The following SEMA3D variants were observed in gnomAD, a reference collection of about 807,000 sequenced individuals.
The protein encoded by SEMA3D is semaphorin-3D.
A neutral mutation model predicts 100.1 loss-of-function variants in SEMA3D; 84 were observed. That is an observed-to-expected ratio of 0.84 (90% CI 0.70 to 1.01). SEMA3D has a LOEUF of 1.01. Ranked by LOEUF, SEMA3D falls within the 50% of genes least tolerant of loss-of-function variation. SEMA3D has a pLI of 0.00. For missense variants in SEMA3D, 875 were observed against 934.1 expected (o/e 0.94, Z 0.82); for synonymous variants, 312 against 320.7 (o/e 0.97, Z 0.29).
chr7:85,049,652 G>A (rs1791106203), intron 9 of SEMA3D, among the ~76,000 whole-genome samples: 1 of 151,844 alleles, frequency 6.6e-6, no homozygotes, highest in Admixed American at 6.6e-5. Flanking sequence ...CATGCTGAAA[G>A]TAAGCACAAA....
At chr7:85,212,555 C>T in the SEMA3D span, among the ~76,000 whole-genome samples, 1 of 151,006 alleles carries the variant, frequency 6.6e-6, no homozygotes, top group Non-Finnish European at 1.5e-5. Flanking sequence ...AAAAACAAGT[C>T]TGTAAATGCA....
chr7:85,086,362 T>C (rs1036420541), intron 4 of SEMA3D, among the ~76,000 whole-genome samples: 1 of 152,050 alleles, frequency 6.6e-6, no homozygotes, highest in Non-Finnish European at 1.5e-5. Flanking sequence ...TTTTTATTCC[T>C]AATTGATAAA....
chr7:85,002,839 A>C (rs1381961993), intron 18 of SEMA3D, among the ~76,000 whole-genome samples: 3 of 152,154 alleles, frequency 2.0e-5, no homozygotes, highest in African/African-American at 7.2e-5. Flanking sequence ...TGGAAGGGAC[A>C]AAGGACATTT....
chr7:85,187,884 G>C (rs1336912211), upstream of SEMA3D, among the ~76,000 whole-genome samples: 1 of 152,200 alleles, frequency 6.6e-6, no homozygotes, highest in Non-Finnish European at 1.5e-5. Flanking sequence ...TGTACGTTAG[G>C]CATTTTTAGC....
chr7:85,179,877 G>T (rs556853306), intron 1 of SEMA3D, among the ~76,000 whole-genome samples: 1 of 152,214 alleles, frequency 6.6e-6, no homozygotes, highest in East Asian at 1.9e-4. Context: ...TAGCCAAGAT[G>T]GTCTTGATCT....
In SEMA3D at chr7:85,176,801, G is replaced by T. The variant is rs547395557; in HGVS notation, c.-173+9877C>A. Among the ~76,000 whole-genome samples, 929 of 148,456 alleles carry T rather than the reference G, an allele frequency of 6.3e-3. 21 individuals are homozygous for T. The highest frequency in any genetic ancestry group is 0.032 in the Admixed American group (417 of 12,854). ...GTATACATATATATATATAGAGAGA[G>T]AGAGAGAGAGAGAGAATTGACATTT... On this transcript the variant is annotated intron_variant, in intron 1 of 18. Coordinates refer to ENST00000284136, the MANE Select transcript of SEMA3D (RefSeq NM_001384900.1).
At chr7:85,095,805 A>G (rs58512711) in intron 4 of SEMA3D, among the ~76,000 whole-genome samples, 6,112 of 152,140 alleles carry the variant, frequency 0.04, 383 homozygotes, top group African/African-American at 0.14. Context: ...TATTCAAACA[A>G]CTTTATTTTA....
At chr7:85,138,383 G>A (rs1274594072) in intron 2 of SEMA3D, among the ~76,000 whole-genome samples, 7 of 151,742 alleles carry the variant, frequency 4.6e-5, no homozygotes, top group East Asian at 1.9e-4. Flanking sequence ...CTGCCTCCCC[G>A]GTTCAAGGGA....
chr7:85,160,204 T>G (rs1337493490), intron 1 of SEMA3D, among the ~76,000 whole-genome samples: 2 of 145,878 alleles, frequency 1.4e-5, no homozygotes, highest in Non-Finnish European at 3.1e-5. Flanking sequence ...AAATACGTGT[T>G]TTTTTTACCA....
chr7:85,144,115 T>G (rs1276470754), intron 2 of SEMA3D, among the ~76,000 whole-genome samples: 1 of 152,154 alleles, frequency 6.6e-6, no homozygotes, highest in Non-Finnish European at 1.5e-5. Flanking sequence ...CATTTTAACA[T>G]GTATACAATA....
chr7:85,073,653 T>A (rs17148273), intron 5 of SEMA3D, among the ~76,000 whole-genome samples: 3,013 of 152,322 alleles, frequency 0.02, 109 homozygotes, highest in African/African-American at 0.069. Flanking sequence ...TGCAATGTCA[T>A]CTGTCTCAGC....
intron 4 of SEMA3D, among the ~76,000 whole-genome samples, chr7:85,097,174 T>C (rs936367775): frequency 1.3e-5 from 2 of 151,844 alleles, no homozygotes; most frequent in Non-Finnish European, 2.9e-5. Context: ...ACACTGGTGG[T>C]TGAAAATGTA....
chr7:85,203,792 T>C, the SEMA3D span, among the ~76,000 whole-genome samples: 2 of 151,836 alleles, frequency 1.3e-5, no homozygotes, highest in African/African-American at 4.8e-5. Context: ...CAGATTGAGC[T>C]AGAGAAATAC....
In SEMA3D at chr7:84,996,627, T is replaced by G. The variant is rs551981847; in HGVS notation, c.*2813A>C. 2 of 152,552 alleles carry G rather than the reference T, an allele frequency of 1.3e-5. No individual in the cohort carries two copies. The highest frequency in any genetic ancestry group is 2.9e-5 in the Non-Finnish European group (2 of 67,902). 9.4% of individuals were successfully genotyped at this position (152,552 alleles called of 1,614,324 possible). A position where few individuals can be genotyped will look rare whatever the true frequency, so the allele number is the denominator to read the frequency against. ...TTACAATAAGTTGAATGTAAATGAATGCAGACATGCGGGATTCTATTTAGC... is the reference window on the plus strand; with the variant it reads ...TTACAATAAGTTGAATGTAAATGAAGGCAGACATGCGGGATTCTATTTAGC... On this transcript the variant is annotated 3_prime_UTR_variant, in exon 19 of 19. Coordinates refer to ENST00000284136, the MANE Select transcript of SEMA3D (RefSeq NM_001384900.1).
the SEMA3D span, among the ~76,000 whole-genome samples, chr7:85,238,251 T>C: frequency 6.6e-6 from 1 of 152,320 alleles, no homozygotes. Context: ...GCATTGTACC[T>C]TTAGTGTCAT....
the SEMA3D span, among the ~76,000 whole-genome samples, chr7:85,234,623 G>A: frequency 1.3e-5 from 2 of 152,118 alleles, no homozygotes; most frequent in African/African-American, 4.8e-5. Context: ...TTTATGAAAG[G>A]ATTATAAAGT....
the SEMA3D span, among the ~76,000 whole-genome samples, chr7:85,241,087 A>G: frequency 1.1e-4 from 16 of 152,278 alleles, no homozygotes; most frequent in South Asian, 2.1e-4. Flanking sequence ...ACTAATTATC[A>G]GGGAAATGCA....
chr7:85,115,840 G>A, intron 3 of SEMA3D, among the ~76,000 whole-genome samples: 1 of 152,042 alleles, frequency 6.6e-6, no homozygotes, highest in East Asian at 1.9e-4. Flanking sequence ...AGTTTGGCCT[G>A]TTCTAGAACT....
At chr7:85,164,225 C>CT (rs1562841397) in intron 1 of SEMA3D, among the ~76,000 whole-genome samples, 3 of 152,084 alleles carry the variant, frequency 2.0e-5, no homozygotes, top group Non-Finnish European at 4.4e-5. Flanking sequence ...TGAATAATAA[C>CT]TTGAACTAAG....
Sources: allele counts gnomAD v4.1 joint callset (sites outside exome capture counted in the v4.1 genomes callset), GRCh38; gene constraint gnomAD v4.1.1; transcripts MANE v1.5; gene names NCBI Gene and HGNC (gene_info 2026-07-23, HGNC 2026-07-21).